DCC: variants seen among roughly 807,000 people sequenced by gnomAD.
The protein encoded by DCC is netrin receptor DCC.
A neutral mutation model predicts 172.5 loss-of-function variants in DCC; 58 were observed. The ratio of observed to expected loss-of-function variants is 0.34; its 90% confidence interval spans 0.27 to 0.42. The LOEUF is 0.42. Ranked by LOEUF, DCC falls within the 10% of genes least tolerant of loss-of-function variation. The probability of loss-of-function intolerance (pLI) is 1.00; values close to 1 mark genes in which losing one functional copy is unlikely to be tolerated. For synonymous variants in DCC, 709 were observed against 644.5 expected, an observed-to-expected ratio of 1.10 and a Z score of -1.52; for missense variants, 1,740 against 1,791.0, an observed-to-expected ratio of 0.97 and a Z score of 0.51.
At chr18:53,120,663 T>A (rs192234474) in intron 7 of DCC, among the ~76,000 whole-genome samples, 1 of 152,018 alleles carries the variant, frequency 6.6e-6, no homozygotes, top group Admixed American at 6.6e-5. Context: ...CCACAAGCTA[T>A]GATATATCTT....
At chr18:52,522,326 C>T (rs758411003) in intron 1 of DCC, among the ~76,000 whole-genome samples, 2 of 152,094 alleles carry the variant, frequency 1.3e-5, no homozygotes, top group African/African-American at 2.4e-5. Flanking sequence ...ACATTCCCAT[C>T]GTTAGACACA....
chr18:52,342,999 C>T lies in DCC; in HGVS notation c.91+2121C>T, dbSNP rs148771734. ...AGCAGATGTAAGGAAGGGATACATACACACACATACACATGGGTTATGTTG... is the reference window on the plus strand; with the variant it reads ...AGCAGATGTAAGGAAGGGATACATATACACACATACACATGGGTTATGTTG... On this transcript the variant is annotated intron_variant, in intron 1 of 28. Transcript: ENST00000442544. 4.9e-4 allele frequency among the ~76,000 whole-genome samples: 74 copies of T among 152,318 alleles called. No homozygotes were observed. The East Asian group carries it at 0.012, about 24-fold the overall frequency.
At chr18:53,297,974 G>A (rs1258180635) in intron 12 of DCC, among the ~76,000 whole-genome samples, 2 of 152,086 alleles carry the variant, frequency 1.3e-5, no homozygotes, top group African/African-American at 4.8e-5. Flanking sequence ...CCATTCAGGG[G>A]GTTTCACTCC....
At chr18:53,022,058 T>C (rs567990945) in intron 5 of DCC, among the ~76,000 whole-genome samples, 1 of 152,328 alleles carries the variant, frequency 6.6e-6, no homozygotes, top group African/African-American at 2.4e-5. Flanking sequence ...TTTCTTCATG[T>C]TTACATAATT....
intron 1 of DCC, among the ~76,000 whole-genome samples, chr18:52,730,619 C>G (rs958751981): frequency 1.3e-5 from 2 of 152,174 alleles, no homozygotes; most frequent in Non-Finnish European, 2.9e-5. Context: ...GACACTCAAT[C>G]AGAGCTGATG....
At chr18:52,474,237 AG>A (rs1989030193) in intron 1 of DCC, among the ~76,000 whole-genome samples, 1 of 80,620 alleles carries the variant, frequency 1.2e-5, no homozygotes, top group Non-Finnish European at 3.6e-5. Flanking sequence ...AGAGAGAGAG[AG>A]AGAGAAAGAG....
At chr18:52,560,927 A>G (rs1400896532) in intron 1 of DCC, among the ~76,000 whole-genome samples, 4 of 152,156 alleles carry the variant, frequency 2.6e-5, no homozygotes, top group South Asian at 2.1e-4. Context: ...ATTTTATGTA[A>G]TAAGTTTCTG....
At chr18:52,618,830 T>C (rs2034430555) in intron 1 of DCC, among the ~76,000 whole-genome samples, 2 of 152,230 alleles carry the variant, frequency 1.3e-5, no homozygotes, top group African/African-American at 2.4e-5. Flanking sequence ...ACAAATTTCT[T>C]AGATAGCTTC....
chr18:52,892,104 G>A (rs537353122), intron 2 of DCC, among the ~76,000 whole-genome samples: 13 of 152,124 alleles, frequency 8.5e-5, no homozygotes, highest in African/African-American at 3.1e-4. Context: ...GGCCCACTGA[G>A]CTTCAAAGCC....
intron 2 of DCC, among the ~76,000 whole-genome samples, chr18:52,798,879 A>C (rs950714467): frequency 9.9e-5 from 15 of 151,928 alleles, no homozygotes; most frequent in Non-Finnish European, 1.6e-4. Context: ...CAGCCTCCCG[A>C]GTAGTTGGGA....
At chr18:53,011,037 A>G (rs1182745626) in intron 5 of DCC, among the ~76,000 whole-genome samples, 1 of 151,420 alleles carries the variant, frequency 6.6e-6, no homozygotes, top group African/African-American at 2.4e-5. Context: ...TAAATTGCAT[A>G]ATATATTAAA....
At chr18:52,927,978 C>T (rs1365852349) in intron 5 of DCC, among the ~76,000 whole-genome samples, 1 of 152,028 alleles carries the variant, frequency 6.6e-6, no homozygotes, top group Non-Finnish European at 1.5e-5. Flanking sequence ...ATGTTCATTG[C>T]AGAACTATTC....
chr18:52,435,822 C>G (rs900069326), intron 1 of DCC, among the ~76,000 whole-genome samples: 1 of 152,196 alleles, frequency 6.6e-6, no homozygotes, highest in Non-Finnish European at 1.5e-5. Flanking sequence ...TCTTCTGCTT[C>G]TTCCCTGCAT....
intron 1 of DCC, among the ~76,000 whole-genome samples, chr18:52,436,254 T>C (rs926206282): frequency 1.3e-5 from 2 of 152,262 alleles, no homozygotes; most frequent in East Asian, 1.9e-4. Context: ...CTATTTTTTA[T>C]AGTGGCTTCT....
intron 1 of DCC, among the ~76,000 whole-genome samples, chr18:52,607,161 A>G (rs1042209232): frequency 2.0e-5 from 3 of 152,078 alleles, no homozygotes; most frequent in African/African-American, 7.2e-5. Flanking sequence ...CTCTAGGATC[A>G]TTTCATGCTG....
chr18:52,431,597 T>C (rs546090172), intron 1 of DCC, among the ~76,000 whole-genome samples: 58 of 152,238 alleles, frequency 3.8e-4, no homozygotes, highest in African/African-American at 1.3e-3. Context: ...GTTGTGCTTT[T>C]GAAGAATTAG....
intron 13 of DCC, among the ~76,000 whole-genome samples, chr18:53,309,036 T>C (rs2057234374): frequency 6.6e-6 from 1 of 152,084 alleles, no homozygotes; most frequent in Non-Finnish European, 1.5e-5. Context: ...CTCTTCCTTT[T>C]TTATTTGTTT....
At chr18:52,372,612 T>G (rs1347331462) in intron 1 of DCC, among the ~76,000 whole-genome samples, 1 of 150,508 alleles carries the variant, frequency 6.6e-6, no homozygotes, top group Non-Finnish European at 1.5e-5. Flanking sequence ...CATCAACACT[T>G]TTTGTCATTT....
chr18:52,413,131 A>T (rs991719846), intron 1 of DCC, among the ~76,000 whole-genome samples: 2 of 151,658 alleles, frequency 1.3e-5, no homozygotes, highest in African/African-American at 4.8e-5. Flanking sequence ...CTGAAAGATC[A>T]TTGCTTTGGT....
Sources: gnomAD v4.1 joint callset for allele counts (sites outside exome capture counted in the v4.1 genomes callset) on GRCh38, gnomAD v4.1.1 for gene constraint, MANE v1.5 for transcripts, NCBI Gene and HGNC (gene_info 2026-07-23, HGNC 2026-07-21) for gene names.